NT5DC1: variants seen among roughly 807,000 people sequenced by gnomAD.
NT5DC1 encodes 5'-nucleotidase domain containing 1.
Under a neutral mutation model 59.4 loss-of-function variants are expected in NT5DC1, and 42 were observed. The observed-to-expected ratio is 0.71, with a 90% CI of 0.55 to 0.92. The LOEUF (loss-of-function observed/expected upper bound fraction) is 0.92, where lower values mean the gene tolerates loss of function less well. Among genes scored for constraint, NT5DC1 ranks in the 40% least tolerant of loss-of-function variants. The pLI is 0.00. For missense variants in NT5DC1, 501 were observed against 537.1 expected (o/e 0.93, Z 0.66); for synonymous variants, 172 against 188.1 (o/e 0.91, Z 0.70).
chr6:116,171,301 T>A (rs939538497), intron 6 of NT5DC1, among the ~76,000 whole-genome samples: 1 of 152,192 alleles, frequency 6.6e-6, no homozygotes, highest in African/African-American at 2.4e-5. Flanking sequence ...CAAATAAATA[T>A]GTGGTTTTTG....
At chr6:116,133,867 T>C in intron 6 of NT5DC1, among the ~76,000 whole-genome samples, 1 of 152,162 alleles carries the variant, frequency 6.6e-6, no homozygotes, top group East Asian at 1.9e-4. Flanking sequence ...TTGGGAAAAA[T>C]GTAACAAATA....
intron 6 of NT5DC1, among the ~76,000 whole-genome samples, chr6:116,122,573 C>T (rs969188021): frequency 1.3e-5 from 2 of 152,138 alleles, no homozygotes; most frequent in African/African-American, 2.4e-5. Flanking sequence ...TATTAAAGTT[C>T]TTACCTAAAT....
At chr6:116,236,848 C>G (rs1170732774) in intron 8 of NT5DC1, 118 bp from the exon 9 acceptor site, 1 of 650,200 alleles carries the variant, frequency 1.5e-6, no homozygotes, top group Non-Finnish European at 2.8e-6. Context: ...AATGTCAGCT[C>G]CTTTCCCCAC....
intron 6 of NT5DC1, among the ~76,000 whole-genome samples, chr6:116,193,446 A>G (rs931388709): frequency 3.9e-5 from 6 of 152,104 alleles, no homozygotes; most frequent in African/African-American, 1.4e-4. Context: ...GGAACTTGCA[A>G]CTTGCTTGCT....
chr6:116,144,370 G>A (rs1358224197), intron 6 of NT5DC1, among the ~76,000 whole-genome samples: 3 of 152,010 alleles, frequency 2.0e-5, no homozygotes, highest in Non-Finnish European at 2.9e-5. Context: ...GCGTGATGGT[G>A]CACGCCTGTA....
chr6:116,195,282 C>G (rs6926890), intron 6 of NT5DC1, among the ~76,000 whole-genome samples: 1 of 151,902 alleles, frequency 6.6e-6, no homozygotes, highest in Non-Finnish European at 1.5e-5. Flanking sequence ...TATTTTATAT[C>G]ACAATTTCGC....
At chr6:116,145,303 A>T (rs187017729) in intron 6 of NT5DC1, 2 of 208,222 alleles carry the variant, frequency 9.6e-6, no homozygotes, top group African/African-American at 4.6e-5. Flanking sequence ...CCCTTATCAT[A>T]CGTTTTGTCA....
intron 6 of NT5DC1, chr6:116,158,585 C>G (rs1253792330): frequency 6.6e-6 from 1 of 152,034 alleles, no homozygotes; most frequent in Non-Finnish European, 1.5e-5. Flanking sequence ...TTACATAAAC[C>G]TATTGTCACA....
chr6:116,121,568 C>T, intron 6 of NT5DC1: 1 of 1,614,100 alleles, frequency 6.2e-7, no homozygotes, highest in Non-Finnish European at 8.5e-7. Context: ...TCCATTCATA[C>T]CAGGGACTCC....
intron 6 of NT5DC1, among the ~76,000 whole-genome samples, chr6:116,219,406 T>G (rs1335779147): frequency 6.6e-6 from 1 of 152,156 alleles, no homozygotes; most frequent in Non-Finnish European, 1.5e-5. Context: ...AAAGTTCTCC[T>G]CAGGTCTCAT....
intron 6 of NT5DC1, among the ~76,000 whole-genome samples, chr6:116,138,561 G>C (rs888252145): frequency 1.3e-4 from 20 of 151,940 alleles, no homozygotes; most frequent in Non-Finnish European, 2.4e-4. Context: ...AAAGCAAATA[G>C]TGCGAATGTC....
At chr6:116,178,742 A>G (rs1413529017) in intron 6 of NT5DC1, among the ~76,000 whole-genome samples, 2 of 152,234 alleles carry the variant, frequency 1.3e-5, no homozygotes, top group Non-Finnish European at 2.9e-5. Flanking sequence ...CTCTTGATTG[A>G]TGCCTCCCAA....
chr6:116,173,640 C>T (rs556978439), intron 6 of NT5DC1, among the ~76,000 whole-genome samples: 7 of 152,078 alleles, frequency 4.6e-5, no homozygotes, highest in African/African-American at 1.7e-4. Flanking sequence ...TCCTTGGGCT[C>T]CTCTTTTCCT....
intron 4 of NT5DC1, 55 bp from the exon 5 acceptor site, chr6:116,115,636 T>G: frequency 1.2e-6 from 1 of 852,362 alleles, no homozygotes; most frequent in Non-Finnish European, 2.0e-6. Context: ...TCCTGTGTAT[T>G]TCACATGCAT....
chr6:116,176,077 C>T (rs1780728747), intron 6 of NT5DC1, among the ~76,000 whole-genome samples: 1 of 152,196 alleles, frequency 6.6e-6, no homozygotes, highest in Non-Finnish European at 1.5e-5. Context: ...GCCTCTTCTA[C>T]TACGCTGTAA....
chr6:116,233,637 T>C (rs1430898583), intron 8 of NT5DC1, among the ~76,000 whole-genome samples: 1 of 152,202 alleles, frequency 6.6e-6, no homozygotes, highest in Non-Finnish European at 1.5e-5. Flanking sequence ...TTGAAATCCT[T>C]TGGAATAAGG....
chr6:116,178,076 TGTGTGTGTGTGTGC>T (rs1385764533), intron 6 of NT5DC1, among the ~76,000 whole-genome samples: 10 of 111,182 alleles, frequency 9.0e-5, no homozygotes, highest in African/African-American at 2.5e-4. Flanking sequence ...TGTGTGTGTG[TGTGTGTGTGTGTGC>T]GCGCGCGCGC....
At chr6:116,128,541 A>G (rs542285561) in intron 6 of NT5DC1, among the ~76,000 whole-genome samples, 11 of 152,268 alleles carry the variant, frequency 7.2e-5, no homozygotes, top group Middle Eastern at 3.4e-3. Flanking sequence ...GCAGTTAGCT[A>G]CTATTAAGCT....
rs142856976 is a variant in NT5DC1 at position 116,112,475 on chromosome 6, C to T, written c.364+1519C>T. ...AATGAATAGAAGGAAGAGTAATTGT[C>T]TTCAACTCCTGTCCTATTTTTTAAA... is the stretch of plus-strand genomic sequence containing the variant. On this transcript the variant is annotated intron_variant, in intron 4 of 11. Coordinates refer to ENST00000319550, the MANE Select transcript of NT5DC1 (RefSeq NM_152729.3). Among the ~76,000 whole-genome samples the T allele has an allele frequency of 6.8e-4, 104 of 152,150 alleles. 2 individuals are homozygous for T. In the East Asian group the frequency reaches 0.019, roughly 28 times the overall value.
Sources: gnomAD v4.1 joint callset for allele counts (sites outside exome capture counted in the v4.1 genomes callset) on GRCh38, gnomAD v4.1.1 for gene constraint, MANE v1.5 for transcripts, NCBI Gene and HGNC (gene_info 2026-07-23, HGNC 2026-07-21) for gene names.